Variants in UNC13C observed in about 807,000 individuals in gnomAD.
UNC13C encodes unc-13 homolog C.
UNC13C carries 174 observed loss-of-function variants against 245.4 expected under a neutral mutation model. The observed-to-expected ratio is 0.71, with a 90% CI of 0.63 to 0.80. The LOEUF is 0.80. UNC13C is among the 30% of genes least tolerant of loss of function. UNC13C has a pLI of 0.00. For synonymous variants in UNC13C, 992 were observed against 895.1 expected (o/e 1.11, Z -1.93); for missense variants, 2,829 against 2,602.9 (o/e 1.09, Z -1.89).
At chr15:53,881,386 G>A in the UNC13C span, among the ~76,000 whole-genome samples, 1 of 152,154 alleles carries the variant, frequency 6.6e-6, no homozygotes, top group Non-Finnish European at 1.5e-5. Context: ...TAAATGCTTT[G>A]TCTTGCACTG....
chr15:54,501,825 C>G (rs1036917916), intron 22 of UNC13C, among the ~76,000 whole-genome samples: 1 of 151,940 alleles, frequency 6.6e-6, no homozygotes, highest in Admixed American at 6.6e-5. Context: ...AGAGGAATAG[C>G]GGGAACAAAG....
At chr15:54,416,939 A>AT in intron 19 of UNC13C, 2 of 456,364 alleles carry the variant, frequency 4.4e-6, no homozygotes, top group South Asian at 3.1e-5. Context: ...TGATGCCTGG[A>AT]TTTTTCTTCC....
chr15:54,571,748 G>A (rs1457116181), intron 30 of UNC13C, among the ~76,000 whole-genome samples: 2 of 152,190 alleles, frequency 1.3e-5, no homozygotes, highest in East Asian at 3.9e-4. Flanking sequence ...TCCTATGCAG[G>A]ACCAGCTGGA....
At chr15:54,465,733 G>T (rs1330159839) in intron 19 of UNC13C, among the ~76,000 whole-genome samples, 1 of 151,982 alleles carries the variant, frequency 6.6e-6, no homozygotes, top group Non-Finnish European at 1.5e-5. Flanking sequence ...CGGCTAACAG[G>T]ATTGGGGATA....
At chr15:54,415,459 C>T (rs1401005813) in intron 19 of UNC13C, among the ~76,000 whole-genome samples, 1 of 152,082 alleles carries the variant, frequency 6.6e-6, no homozygotes, top group Non-Finnish European at 1.5e-5. Flanking sequence ...AAAATCCTAC[C>T]AAGTTTGCTC....
intron 24 of UNC13C, among the ~76,000 whole-genome samples, chr15:54,519,116 G>A (rs897276095): frequency 2.0e-5 from 3 of 152,070 alleles, no homozygotes; most frequent in South Asian, 4.1e-4. Flanking sequence ...TGGAAACAAC[G>A]AGGAAGTTGA....
chr15:53,975,413 C>A (rs16973921), upstream of UNC13C, among the ~76,000 whole-genome samples: 5,851 of 152,200 alleles, frequency 0.038, 384 homozygotes, highest in African/African-American at 0.13. Context: ...TGCATGGAAA[C>A]AGAGAGCCAA....
intron 2 of UNC13C, among the ~76,000 whole-genome samples, chr15:54,024,656 C>A (rs1209037237): frequency 1.3e-5 from 2 of 152,116 alleles, no homozygotes; most frequent in South Asian, 4.1e-4. Flanking sequence ...CGGTGGCTCA[C>A]GTCTGTAATC....
At position 54,270,089 on chromosome 15, in the gene UNC13C, A is replaced by T. The variant is rs184185078; in HGVS notation, c.3818+4593A>T. ...TGAATTCTGAGATTTTATTCTTATT[A>T]TACAGGTTCTATATCACTGGCTCCA... On this transcript the variant is annotated intron_variant, in intron 10 of 32. Coordinates refer to ENST00000260323, the MANE Select transcript of UNC13C (RefSeq NM_001080534.3). Among the ~76,000 whole-genome samples the T allele has an allele frequency of 3.7e-4, 56 of 152,280 alleles. 1 individual carries two copies. Among genetic ancestry groups the T allele is most frequent in the Admixed American group, 1.9e-3 (29 of 15,296 alleles).
chr15:54,494,869 C>T, intron 20 of UNC13C, 135 bp downstream of exon 20: 1 of 1,090,116 alleles, frequency 9.2e-7, no homozygotes, highest in Non-Finnish European at 1.3e-6. Context: ...ATGAAGTTAA[C>T]ATTAAAGGAT....
chr15:53,997,151 T>C (rs940372018), intron 1 of UNC13C, among the ~76,000 whole-genome samples: 1 of 152,212 alleles, frequency 6.6e-6, no homozygotes, highest in African/African-American at 2.4e-5. Context: ...TTATTTGTAT[T>C]TTCTTTATAA....
chr15:53,892,720 C>T, the UNC13C span, among the ~76,000 whole-genome samples: 14 of 152,062 alleles, frequency 9.2e-5, no homozygotes, highest in African/African-American at 2.7e-4. Context: ...TTTTCAGCTC[C>T]ATCAGGTCAT....
intron 19 of UNC13C, among the ~76,000 whole-genome samples, chr15:54,449,934 C>T (rs543290881): frequency 2.2e-4 from 33 of 152,244 alleles, no homozygotes; most frequent in African/African-American, 7.7e-4. Flanking sequence ...ATGATGGTGA[C>T]GTACAGATGG....
intron 4 of UNC13C, among the ~76,000 whole-genome samples, chr15:54,190,101 T>C (rs1169688271): frequency 6.6e-6 from 1 of 152,140 alleles, no homozygotes; most frequent in Non-Finnish European, 1.5e-5. Context: ...TCACACCTTC[T>C]AGTGTTTTGG....
Position 54,300,328 on chromosome 15 carries a change from A to T in UNC13C, c.4223A>T (p.Glu1408Val). ...GATGCTTCCCAAGAAATAGTTGATGAATTTGCTATGCGTTATGGAATTGAA... is the reference window on the plus strand; with the variant it reads ...GATGCTTCCCAAGAAATAGTTGATGTATTTGCTATGCGTTATGGAATTGAA... ...FDDASQEIVDEFAMRYGIESI... is the reference protein window; with the variant it reads ...FDDASQEIVDVFAMRYGIESI... The change falls in exon 13 of 33, where the codon GAA (glutamate) becomes GTA (valine). Residue 1408 changes from glutamate (E) to valine (V), a missense_variant. Coordinates refer to ENST00000260323, the MANE Select transcript of UNC13C (RefSeq NM_001080534.3). 1 of 1,584,772 alleles carries T rather than the reference A, an allele frequency of 6.3e-7. No individual in the cohort carries two copies. Among genetic ancestry groups the T allele is most frequent in the Non-Finnish European group, 8.6e-7 (1 of 1,164,024 alleles).
At chr15:54,353,757 T>A (rs1320398333) in intron 17 of UNC13C, among the ~76,000 whole-genome samples, 2 of 152,196 alleles carry the variant, frequency 1.3e-5, no homozygotes, top group African/African-American at 4.8e-5. Flanking sequence ...GACTGCTCCC[T>A]TTTGAATTAT....
the UNC13C span, among the ~76,000 whole-genome samples, chr15:53,839,165 G>C: frequency 1.5e-3 from 226 of 152,050 alleles, 1 homozygote; most frequent in African/African-American, 5.1e-3. Flanking sequence ...TTCTTCTGCT[G>C]TGAGAAATCT....
intron 30 of UNC13C, among the ~76,000 whole-genome samples, chr15:54,610,167 G>A (rs1261677386): frequency 6.6e-6 from 1 of 152,062 alleles, no homozygotes; most frequent in Non-Finnish European, 1.5e-5. Flanking sequence ...TGTTTAGTGT[G>A]CATTCACAGT....
Position 54,013,479 on chromosome 15 carries a change from A to G in UNC13C, c.576A>G (p.Glu192=). Residue 192 remains glutamate (E), a synonymous_variant, in exon 2 of 33, where the codon GAA becomes GAG. Coordinates refer to ENST00000260323, the MANE Select transcript of UNC13C (RefSeq NM_001080534.3). ...TGAGAAAATGGAAAAAGAGTCAAGAATGTGTCTCCTCAGACTCAGAGTTAA... is the reference window on the plus strand; with the variant it reads ...TGAGAAAATGGAAAAAGAGTCAAGAGTGTGTCTCCTCAGACTCAGAGTTAA... ...RKLRKWKKSQ[E]CVSSDSELST... 6.2e-7 allele frequency: 1 copy of G among 1,613,916 alleles called. No individual in the cohort carries two copies. The highest frequency in any genetic ancestry group is 1.1e-5 in the South Asian group (1 of 91,086).
Sources: allele counts gnomAD v4.1 joint callset (sites outside exome capture counted in the v4.1 genomes callset), GRCh38; gene constraint gnomAD v4.1.1; transcripts MANE v1.5; gene names NCBI Gene and HGNC (gene_info 2026-07-23, HGNC 2026-07-21).